EXOC6: variants seen among roughly 807,000 people sequenced by gnomAD.
EXOC6 encodes SEC15-like 1.
Under a neutral mutation model 112.5 loss-of-function variants are expected in EXOC6, and 60 were observed. The observed-to-expected ratio is 0.53, with a 90% CI of 0.43 to 0.66. The LOEUF is 0.66. EXOC6 is among the 30% of genes least tolerant of loss of function. EXOC6 has a pLI of 0.00. For missense variants in EXOC6, 855 were observed against 957.1 expected (o/e 0.89, Z 1.41); for synonymous variants, 295 against 308.0 (o/e 0.96, Z 0.44).
chr10:92,974,045 C>T lies in EXOC6; in HGVS notation c.1774-8C>T. The T allele has an allele frequency of 1.3e-6, 2 of 1,575,316 alleles. No individual in the cohort carries two copies. The highest frequency in any genetic ancestry group is 1.7e-6 in the Non-Finnish European group (2 of 1,167,806). ...TCTTGTCTTTGTTGTTATTTTGTCC[C>T]ATGTCAGGATGCTCGACATGCAGCA... On this transcript the variant is annotated splice_region_variant and splice_polypyrimidine_tract_variant and intron_variant, in intron 17 of 21. Coordinates refer to ENST00000260762, the MANE Select transcript of EXOC6 (RefSeq NM_019053.6).
chr10:92,914,182 C>T (rs955693398), intron 6 of EXOC6, among the ~76,000 whole-genome samples: 5 of 152,138 alleles, frequency 3.3e-5, no homozygotes, highest in African/African-American at 1.2e-4. Flanking sequence ...CTCATAGGAG[C>T]GCAAACTCTA....
intron 1 of EXOC6, among the ~76,000 whole-genome samples, chr10:92,858,358 T>C (rs1484460973): frequency 1.3e-5 from 2 of 152,254 alleles, no homozygotes; most frequent in African/African-American, 4.8e-5. Flanking sequence ...TCATGTATGC[T>C]GGTGTGCTTA....
chr10:92,931,944 T>G (rs998756706), intron 9 of EXOC6, among the ~76,000 whole-genome samples: 4 of 152,100 alleles, frequency 2.6e-5, no homozygotes, highest in African/African-American at 9.7e-5. Flanking sequence ...TATTTATCCA[T>G]GAGAAATGAA....
At chr10:92,973,202 T>C (rs1325018842) in intron 17 of EXOC6, among the ~76,000 whole-genome samples, 2 of 152,214 alleles carry the variant, frequency 1.3e-5, no homozygotes, top group Admixed American at 1.3e-4. Flanking sequence ...ATGATAATTC[T>C]CTGAGAATGT....
intron 1 of EXOC6, among the ~76,000 whole-genome samples, chr10:92,892,829 A>G (rs1186699588): frequency 6.6e-6 from 1 of 152,218 alleles, no homozygotes; most frequent in Non-Finnish European, 1.5e-5. Context: ...ATCAGGAGTC[A>G]TATCCCAGCT....
intron 8 of EXOC6, among the ~76,000 whole-genome samples, chr10:92,923,500 G>T (rs937595475): frequency 6.6e-6 from 1 of 152,148 alleles, no homozygotes; most frequent in East Asian, 1.9e-4. Flanking sequence ...GAGGACTGCT[G>T]TCATCTGAAG....
chr10:93,051,197 T>C (rs1354555841), intron 20 of EXOC6, among the ~76,000 whole-genome samples: 2 of 152,104 alleles, frequency 1.3e-5, no homozygotes, highest in Non-Finnish European at 2.9e-5. Context: ...CTAGGACTAC[T>C]ACATTAGCTT....
chr10:93,009,073 C>T (rs1208274251), intron 19 of EXOC6, among the ~76,000 whole-genome samples: 1 of 151,918 alleles, frequency 6.6e-6, no homozygotes, highest in African/African-American at 2.4e-5. Context: ...AAAAAAATAA[C>T]CAGACATGAT....
chr10:92,991,725 T>TTCTCTCTC (rs72252880), intron 18 of EXOC6, among the ~76,000 whole-genome samples: 36 of 149,106 alleles, frequency 2.4e-4, no homozygotes, highest in East Asian at 1.2e-3. Context: ...CACGTTCTAT[T>TTCTCTCTC]TCTCTCTCTC....
At chr10:92,902,071 C>T (rs1850206022) in intron 5 of EXOC6, among the ~76,000 whole-genome samples, 3 of 151,470 alleles carry the variant, frequency 2.0e-5, no homozygotes, top group African/African-American at 4.9e-5. Flanking sequence ...ACTTATTACA[C>T]ACACACACAT....
intron 6 of EXOC6, among the ~76,000 whole-genome samples, chr10:92,915,005 G>GT (rs1322817552): frequency 1.3e-5 from 2 of 152,164 alleles, no homozygotes; most frequent in African/African-American, 4.8e-5. Context: ...TGTAAATGTT[G>GT]TTTTTTGTCA....
intron 1 of EXOC6, among the ~76,000 whole-genome samples, chr10:92,842,499 A>T (rs1196540248): frequency 6.6e-6 from 1 of 151,462 alleles, no homozygotes; most frequent in African/African-American, 2.4e-5. Context: ...TTCAAATCCT[A>T]TTTTGCCAAG....
intron 12 of EXOC6, among the ~76,000 whole-genome samples, chr10:92,937,361 A>C (rs1163944916): frequency 6.6e-6 from 1 of 152,184 alleles, no homozygotes; most frequent in Non-Finnish European, 1.5e-5. Context: ...GCATTTTCCC[A>C]ATATATTTGA....
At chr10:92,960,933 C>T (rs548940848) in intron 17 of EXOC6, among the ~76,000 whole-genome samples, 2 of 152,166 alleles carry the variant, frequency 1.3e-5, no homozygotes, top group African/African-American at 4.8e-5. Flanking sequence ...TGAACTGTAT[C>T]ACTTTTGGCT....
At chr10:92,956,016 C>T (rs1344713114) in intron 17 of EXOC6, among the ~76,000 whole-genome samples, 5 of 151,848 alleles carry the variant, frequency 3.3e-5, no homozygotes, top group African/African-American at 1.2e-4. Context: ...AAAATTAATT[C>T]TATATGAGTG....
At chr10:93,011,733 C>G (rs889439997) in intron 19 of EXOC6, among the ~76,000 whole-genome samples, 8 of 152,176 alleles carry the variant, frequency 5.3e-5, no homozygotes, top group Middle Eastern at 3.4e-3. Flanking sequence ...GGCAACTCAG[C>G]TACCTAGGCC....
intron 12 of EXOC6, among the ~76,000 whole-genome samples, chr10:92,936,391 C>T (rs1488032860): frequency 6.6e-6 from 1 of 152,212 alleles, no homozygotes; most frequent in African/African-American, 2.4e-5. Context: ...TGTATGAAAA[C>T]ACATGATTTG....
intron 19 of EXOC6, among the ~76,000 whole-genome samples, chr10:93,010,276 A>G (rs550578300): frequency 2.0e-5 from 3 of 152,318 alleles, no homozygotes; most frequent in East Asian, 3.9e-4. Flanking sequence ...TTAGATTCTT[A>G]TGAGAGATGT....
chr10:93,003,697 A>G (rs1043536658), intron 19 of EXOC6, among the ~76,000 whole-genome samples: 6 of 152,198 alleles, frequency 3.9e-5, no homozygotes, highest in Admixed American at 2.6e-4. Flanking sequence ...ACAGGTACAT[A>G]ACTGTAATAG....
Sources: gnomAD v4.1 joint callset for allele counts (sites outside exome capture counted in the v4.1 genomes callset) on GRCh38, gnomAD v4.1.1 for gene constraint, MANE v1.5 for transcripts, NCBI Gene and HGNC (gene_info 2026-07-23, HGNC 2026-07-21) for gene names.